The following RPGRIP1L variants were observed in gnomAD, a reference collection of about 807,000 sequenced individuals.
RPGRIP1L encodes the protein protein fantom.
A neutral mutation model predicts 160.4 loss-of-function variants in RPGRIP1L; 131 were observed. That is an observed-to-expected ratio of 0.82 (90% CI 0.71 to 0.94). The LOEUF (loss-of-function observed/expected upper bound fraction) is 0.94, where lower values mean the gene tolerates loss of function less well. Among genes scored for constraint, RPGRIP1L ranks in the 40% least tolerant of loss-of-function variants. RPGRIP1L has a pLI of 0.00. For missense variants in RPGRIP1L, 1,522 were observed against 1,535.8 expected (o/e 0.99, Z 0.15); for synonymous variants, 510 against 515.8 (o/e 0.99, Z 0.15).
At chr16:53,644,356 C>G (rs907787681) in intron 17 of RPGRIP1L, among the ~76,000 whole-genome samples, 1 of 151,778 alleles carries the variant, frequency 6.6e-6, no homozygotes, top group Non-Finnish European at 1.5e-5. Flanking sequence ...ATCAAACATA[C>G]CAGCATATGG....
In RPGRIP1L at chr16:53,689,066, A is replaced by ATATATATATATGTTATATATATGT. The variant is rs1194100167; in HGVS notation, c.530-1125_530-1102dup. Among the ~76,000 whole-genome samples the ATATATATATATGTTATATATATGT allele has an allele frequency of 7.4e-5, 11 of 149,372 alleles. 1 individual carries two copies. The South Asian group carries it at 1.5e-3, about 20-fold the overall frequency. ...CTCATGGTGATTTGCCAATGGCTATATATATATATATGTTATATATATGTT... is the reference window on the plus strand; with the variant it reads ...CTCATGGTGATTTGCCAATGGCTATATATATATATATGTTATATATATGTTATATATATATGTTATATATATGTT... On this transcript the variant is annotated intron_variant, in intron 4 of 26. Coordinates refer to ENST00000647211, the MANE Select transcript of RPGRIP1L (RefSeq NM_015272.5).
At chr16:53,667,219 T>G (rs967927379) in intron 9 of RPGRIP1L, among the ~76,000 whole-genome samples, 2 of 152,228 alleles carry the variant, frequency 1.3e-5, no homozygotes, top group Non-Finnish European at 2.9e-5. Context: ...TGCAGTGGAA[T>G]GCCCATTGCT....
At chr16:53,695,445 C>T (rs1202746462) in intron 3 of RPGRIP1L, 1 of 702,940 alleles carries the variant, frequency 1.4e-6, no homozygotes, top group East Asian at 2.7e-5. Flanking sequence ...GGTTGTCTCA[C>T]CTTTTCTTTG....
intron 15 of RPGRIP1L, among the ~76,000 whole-genome samples, chr16:53,650,221 G>A (rs1966840926): frequency 6.6e-6 from 1 of 152,046 alleles, no homozygotes; most frequent in Non-Finnish European, 1.5e-5. Flanking sequence ...ATTATAACAG[G>A]CCGAGATTGA....
At chr16:53,615,675 TG>T (rs1400512092) in intron 24 of RPGRIP1L, among the ~76,000 whole-genome samples, 1 of 151,836 alleles carries the variant, frequency 6.6e-6, no homozygotes, top group African/African-American at 2.4e-5. Flanking sequence ...GGTTTCACCA[TG>T]TTGGTCAGGC....
intron 3 of RPGRIP1L, chr16:53,695,002 C>A: frequency 4.0e-6 from 1 of 252,462 alleles, no homozygotes; most frequent in African/African-American, 2.2e-5. Flanking sequence ...AGGCTAGTGG[C>A]AGAGAGATAA....
chr16:53,659,227 CT>C, intron 10 of RPGRIP1L: 1 of 961,758 alleles, frequency 1.0e-6, no homozygotes, highest in Non-Finnish European at 1.2e-6. Context: ...ATTAAGGCTC[CT>C]GAAAAGCATG....
At chr16:53,674,977 C>T (rs1196266313) in intron 7 of RPGRIP1L, 40 bp downstream of exon 7, 7 of 1,329,144 alleles carry the variant, frequency 5.3e-6, no homozygotes, top group African/African-American at 1.4e-5. Context: ...GAATCCTTTG[C>T]ATCTCTGTAA....
chr16:53,607,996 T>C, intron 25 of RPGRIP1L: 1 of 984,838 alleles, frequency 1.0e-6, no homozygotes, highest in Non-Finnish European at 1.2e-6. Flanking sequence ...TCTGAGGACC[T>C]GGATGGACAC....
intron 23 of RPGRIP1L, 97 bp downstream of exon 23, chr16:53,622,122 T>C: frequency 2.3e-6 from 1 of 441,058 alleles, no homozygotes; most frequent in Non-Finnish European, 4.0e-6. Context: ...CCCAGCACTT[T>C]GGGAGGCAGA....
chr16:53,619,630 T>A (rs2150966009), intron 23 of RPGRIP1L, among the ~76,000 whole-genome samples: 1 of 152,330 alleles, frequency 6.6e-6, no homozygotes, highest in African/African-American at 2.4e-5. Context: ...TATTCGGAGA[T>A]CAAAGCCTGT....
chr16:53,699,172 A>G (rs1224984849), intron 2 of RPGRIP1L, among the ~76,000 whole-genome samples: 1 of 151,922 alleles, frequency 6.6e-6, no homozygotes, highest in African/African-American at 2.4e-5. Flanking sequence ...GTGCTTTGTT[A>G]AACAGATGCT....
chr16:53,625,527 G>A (rs1488469729), intron 22 of RPGRIP1L, among the ~76,000 whole-genome samples: 1 of 149,560 alleles, frequency 6.7e-6, no homozygotes. Flanking sequence ...GGTGAGGGGG[G>A]GGCGCCTCCG....
chr16:53,625,396 G>A (rs1272214441), intron 22 of RPGRIP1L, among the ~76,000 whole-genome samples: 3 of 147,112 alleles, frequency 2.0e-5, no homozygotes, highest in African/African-American at 5.0e-5. Context: ...ACTGGGGGGG[G>A]CGCCTCAGCC....
rs1335227399 is a variant in RPGRIP1L, at chr16:53,703,836, T to C, written c.-41A>G. The C allele has an allele frequency of 2.2e-6, 1 of 459,310 alleles. No individual in the cohort carries two copies. The highest frequency in any genetic ancestry group is 4.3e-5 in the East Asian group (1 of 23,144). 28.5% of individuals were successfully genotyped at this position (459,310 alleles called of 1,614,324 possible). On this transcript the variant is annotated 5_prime_UTR_variant, in exon 1 of 27. It adds an upstream start codon to the 5' untranslated region. Transcript: ENST00000647211. ...TGGCCCTGCAGCTAGCTACCGTTGC[T>C]ATAGCGCCGACAGCGTGGCGGGCGG...
chr16:53,666,301 C>T (rs2151205374), intron 9 of RPGRIP1L, among the ~76,000 whole-genome samples: 1 of 152,174 alleles, frequency 6.6e-6, no homozygotes, highest in African/African-American at 2.4e-5. Context: ...CTAAATATGA[C>T]ATCTGTTTCT....
chr16:53,626,624 G>C (rs1020414648), intron 22 of RPGRIP1L, among the ~76,000 whole-genome samples: 1 of 151,990 alleles, frequency 6.6e-6, no homozygotes, highest in Non-Finnish European at 1.5e-5. Flanking sequence ...GGCCAACATG[G>C]TGAAACCCCT....
At chr16:53,611,968 A>G (rs1964076264) in intron 24 of RPGRIP1L, among the ~76,000 whole-genome samples, 1 of 152,234 alleles carries the variant, frequency 6.6e-6, no homozygotes. Context: ...ATAGTTCTAA[A>G]GCCAGTTCTC....
intron 3 of RPGRIP1L, 115 bp downstream of exon 3, chr16:53,696,036 T>G: frequency 9.8e-7 from 1 of 1,022,328 alleles, no homozygotes; most frequent in Non-Finnish European, 1.5e-6. Context: ...CTTATTTACA[T>G]CCTGCCTTGT....
Sources: gnomAD v4.1 joint callset for allele counts (sites outside exome capture counted in the v4.1 genomes callset) on GRCh38, gnomAD v4.1.1 for gene constraint, MANE v1.5 for transcripts, NCBI Gene and HGNC (gene_info 2026-07-23, HGNC 2026-07-21) for gene names.